SH2D4A: variants seen among roughly 807,000 people sequenced by gnomAD.
SH2D4A encodes SH2 domain containing 4A, also known as SH2 domain-containing protein 4A.
SH2D4A carries 70 observed loss-of-function variants against 64.7 expected under a neutral mutation model. The ratio of observed to expected loss-of-function variants is 1.08; its 90% CI spans 0.89 to 1.32. The LOEUF is 1.32. Among genes scored for constraint, SH2D4A ranks in the 40% most tolerant of loss-of-function variants. The probability of loss-of-function intolerance (pLI) is 0.00; values close to 1 mark genes in which losing one functional copy is unlikely to be tolerated. For synonymous variants in SH2D4A, 268 were observed against 200.7 expected (o/e 1.34, Z -2.83); for missense variants, 706 against 540.1 (o/e 1.31, Z -3.04).
chr8:19,391,151 CT>C (rs2053485985), intron 8 of SH2D4A, among the ~76,000 whole-genome samples: 1 of 152,142 alleles, frequency 6.6e-6, no homozygotes, highest in Admixed American at 6.5e-5. Context: ...CATACAGTGT[CT>C]TTAGAGATTT....
intron 9 of SH2D4A, among the ~76,000 whole-genome samples, chr8:19,394,192 T>G (rs1207431643): frequency 6.6e-6 from 1 of 152,160 alleles, no homozygotes; most frequent in Non-Finnish European, 1.5e-5. Context: ...GAGGCAGAGC[T>G]CAGGCGATAA....
chr8:19,358,734 A>G (rs571496787), intron 5 of SH2D4A, among the ~76,000 whole-genome samples: 5 of 152,304 alleles, frequency 3.3e-5, no homozygotes, highest in African/African-American at 1.2e-4. Context: ...TGAGGCTCTG[A>G]TGAAGGAATT....
chr8:19,369,239 T>G (rs994613679), intron 7 of SH2D4A, among the ~76,000 whole-genome samples: 10 of 152,122 alleles, frequency 6.6e-5, no homozygotes, highest in Non-Finnish European at 1.3e-4. Flanking sequence ...TGCTAGTATT[T>G]TGTTGTGGAT....
intron 1 of SH2D4A, 80 bp downstream of exon 1, chr8:19,313,903 TTGCATGGG>T: frequency 1.5e-6 from 2 of 1,364,830 alleles, no homozygotes; most frequent in South Asian, 1.7e-5. Context: ...TCCTCGGAGG[TTGCATGGG>T]TGCATGGGAG....
At chr8:19,341,274 A>T (rs1019407210) in intron 4 of SH2D4A, among the ~76,000 whole-genome samples, 2 of 152,224 alleles carry the variant, frequency 1.3e-5, no homozygotes, top group African/African-American at 4.8e-5. Context: ...AAGATTTCTG[A>T]ATTTCCGCTA....
intron 5 of SH2D4A, among the ~76,000 whole-genome samples, chr8:19,359,471 T>C (rs2052844806): frequency 6.6e-6 from 1 of 152,200 alleles, no homozygotes; most frequent in African/African-American, 2.4e-5. Flanking sequence ...CGTTTAAAAA[T>C]AAACACGTAT....
chr8:19,315,643 T>C lies in SH2D4A; in HGVS notation c.-205+1820T>C, dbSNP rs77119484. The stretch of plus-strand genomic sequence containing the variant: ...ATAGCAGGTGTGGGCTTGTTGCTTA[T>C]CATTTCTCTCTTTTAAGAAAGGGGC... On this transcript the variant is annotated intron_variant, in intron 1 of 9. Transcript: ENST00000265807. 2.9e-3 allele frequency among the ~76,000 whole-genome samples: 439 copies of C among 152,348 alleles called. 2 individuals carry two copies. The highest frequency in any genetic ancestry group is 0.01 in the African/African-American group (417 of 41,580).
chr8:19,370,534 A>G (rs766871547), intron 7 of SH2D4A, among the ~76,000 whole-genome samples: 1 of 151,932 alleles, frequency 6.6e-6, no homozygotes, highest in African/African-American at 2.4e-5. Context: ...TCTGCTTTAT[A>G]TGATATAAAT....
intron 2 of SH2D4A, among the ~76,000 whole-genome samples, chr8:19,329,685 C>A (rs538617451): frequency 3.3e-5 from 5 of 152,290 alleles, no homozygotes; most frequent in Admixed American, 3.3e-4. Flanking sequence ...CAGTTTCCCC[C>A]ATACTGTTCT....
rs529179009 is a variant in SH2D4A at position 19,332,956 on chromosome 8, G to T, written c.183G>T (p.Glu61Asp). The T allele has an allele frequency of 6.2e-7, 1 of 1,609,130 alleles. No homozygotes were observed. The highest frequency in any genetic ancestry group is 1.1e-5 in the South Asian group (1 of 89,426). The change falls in exon 3 of 10, where the codon GAG (glutamate) becomes GAT (aspartate). Residue 61 changes from glutamate (E) to aspartate (D), a missense_variant and splice_region_variant. By Grantham distance (45) the Glu-to-Asp change is conservative. Transcript: ENST00000265807. ...TTTTGTTTGTGTGTTTGTTTGCAGA[G>T]AATGGCAAATCGGTTCATTGGAAAC... Reference protein sequence around the residue: ...SLPVKPRPKKENGKSVHWKLG... With the variant: ...SLPVKPRPKKDNGKSVHWKLG...
intron 2 of SH2D4A, among the ~76,000 whole-genome samples, chr8:19,329,000 C>T (rs1366568955): frequency 3.3e-5 from 5 of 152,204 alleles, no homozygotes; most frequent in African/African-American, 1.2e-4. Context: ...CTCTCTGCTC[C>T]CCTGTGTGAT....
At chr8:19,360,929 G>T (rs2052873533) in intron 5 of SH2D4A, 1 of 236,682 alleles carries the variant, frequency 4.2e-6, no homozygotes, top group Non-Finnish European at 8.2e-6. Flanking sequence ...ATAACCCTAA[G>T]AAATATTTTT....
intron 8 of SH2D4A, among the ~76,000 whole-genome samples, chr8:19,390,835 C>CAGTT (rs2053480722): frequency 6.6e-6 from 1 of 152,170 alleles, no homozygotes; most frequent in Admixed American, 6.5e-5. Context: ...TGGAAAGTTT[C>CAGTT]AGTTACAGTC....
At chr8:19,375,365 A>T (rs2053175332) in intron 8 of SH2D4A, 1 of 152,170 alleles carries the variant, frequency 6.6e-6, no homozygotes, top group African/African-American at 2.4e-5. Flanking sequence ...GCCTGTTCTG[A>T]AATATTAGGA....
At chr8:19,322,323 T>C (rs1362446330) in intron 2 of SH2D4A, among the ~76,000 whole-genome samples, 1 of 152,128 alleles carries the variant, frequency 6.6e-6, no homozygotes, top group African/African-American at 2.4e-5. Flanking sequence ...CCCTGAAGGC[T>C]TGTGCTCCCT....
At chr8:19,339,336 C>T (rs183039313) in intron 4 of SH2D4A, among the ~76,000 whole-genome samples, 48 of 152,260 alleles carry the variant, frequency 3.2e-4, no homozygotes, top group African/African-American at 1.0e-3. Flanking sequence ...GCAACACCCT[C>T]ACAGACACAC....
chr8:19,330,165 C>T (rs919703050), intron 2 of SH2D4A, among the ~76,000 whole-genome samples: 2 of 152,134 alleles, frequency 1.3e-5, no homozygotes, highest in Non-Finnish European at 2.9e-5. Flanking sequence ...TGAACTACTA[C>T]GAAGGCCTTG....
intron 4 of SH2D4A, among the ~76,000 whole-genome samples, chr8:19,345,797 G>A (rs1280757949): frequency 1.3e-5 from 2 of 152,202 alleles, no homozygotes; most frequent in Non-Finnish European, 2.9e-5. Context: ...TGTAACCCAA[G>A]TTATATCTTC....
At chr8:19,392,378 C>T (rs2053506785) in intron 8 of SH2D4A, among the ~76,000 whole-genome samples, 1 of 152,150 alleles carries the variant, frequency 6.6e-6, no homozygotes, top group Non-Finnish European at 1.5e-5. Flanking sequence ...TCAATTTCAG[C>T]ACTACTGCTA....
Sources: allele counts gnomAD v4.1 joint callset (sites outside exome capture counted in the v4.1 genomes callset), GRCh38; gene constraint gnomAD v4.1.1; transcripts MANE v1.5; gene names NCBI Gene and HGNC (gene_info 2026-07-23, HGNC 2026-07-21).